Variants in RNF180 observed in about 807,000 individuals in gnomAD.
RNF180 encodes ring finger protein 180.
RNF180 carries 38 observed loss-of-function variants against 59.2 expected under a neutral mutation model. The ratio of observed to expected loss-of-function variants is 0.64; its 90% CI spans 0.50 to 0.84. The LOEUF (loss-of-function observed/expected upper bound fraction) is 0.84, where lower values mean the gene tolerates loss of function less well. RNF180 is among the 40% of genes least tolerant of loss of function. The pLI is 0.00. For synonymous variants in RNF180, 262 were observed against 240.3 expected, an observed-to-expected ratio of 1.09 and a Z score of -0.84; for missense variants, 705 against 700.9, an observed-to-expected ratio of 1.01 and a Z score of -0.07.
intron 7 of RNF180, among the ~76,000 whole-genome samples, chr5:64,343,403 G>A (rs532497250): frequency 6.6e-6 from 1 of 152,136 alleles, no homozygotes; most frequent in East Asian, 1.9e-4. Flanking sequence ...TGTGTAATTG[G>A]AGACCCTGAA....
At chr5:64,291,971 A>G (rs191369756) in intron 5 of RNF180, among the ~76,000 whole-genome samples, 167 of 151,924 alleles carry the variant, frequency 1.1e-3, no homozygotes, top group Middle Eastern at 0.01. Context: ...ATGTTTTTTT[A>G]GCTCCATCAG....
chr5:64,270,941 TATAATC>T (rs1741363742), intron 5 of RNF180, among the ~76,000 whole-genome samples: 1 of 152,116 alleles, frequency 6.6e-6, no homozygotes, highest in African/African-American at 2.4e-5. Flanking sequence ...AATATCAGCT[TATAATC>T]ATATAAATAC....
chr5:64,346,232 C>A (rs988158751), intron 7 of RNF180, among the ~76,000 whole-genome samples: 1 of 150,618 alleles, frequency 6.6e-6, no homozygotes, highest in Non-Finnish European at 1.5e-5. Context: ...GTCCTCAACT[C>A]ACATTGGCAG....
intron 5 of RNF180, among the ~76,000 whole-genome samples, chr5:64,238,186 G>T (rs1019953774): frequency 6.6e-6 from 1 of 151,974 alleles, no homozygotes; most frequent in Non-Finnish European, 1.5e-5. Flanking sequence ...CTTTTTTTAA[G>T]GCTGTATAGT....
intron 2 of RNF180, among the ~76,000 whole-genome samples, chr5:64,206,239 A>G (rs545502033): frequency 3.3e-5 from 5 of 152,326 alleles, no homozygotes; most frequent in African/African-American, 7.2e-5. Flanking sequence ...GGCAGTTACC[A>G]AATTCTACTG....
At chr5:64,279,661 A>G (rs1741904885) in intron 5 of RNF180, among the ~76,000 whole-genome samples, 1 of 152,242 alleles carries the variant, frequency 6.6e-6, no homozygotes, top group East Asian at 1.9e-4. Flanking sequence ...ATATCAGTTA[A>G]TTTTTCACAA....
At chr5:64,323,398 G>A (rs191648221) in intron 5 of RNF180, among the ~76,000 whole-genome samples, 39 of 152,066 alleles carry the variant, frequency 2.6e-4, no homozygotes, top group Non-Finnish European at 3.4e-4. Flanking sequence ...AAGAATAGTC[G>A]GGCACCATGC....
chr5:64,192,335 G>A (rs1047431469), intron 1 of RNF180, among the ~76,000 whole-genome samples: 35 of 152,154 alleles, frequency 2.3e-4, no homozygotes, highest in African/African-American at 8.2e-4. Context: ...GAGAAATTTT[G>A]TACACATTTG....
chr5:64,325,189 T>G lies in RNF180; in HGVS notation c.1231T>G (p.Leu411Val). 1 of 1,545,422 alleles carries G rather than the reference T, an allele frequency of 6.5e-7. No homozygotes were observed. The highest frequency in any genetic ancestry group is 8.8e-7 in the Non-Finnish European group (1 of 1,141,410). The change falls in exon 6 of 8, where the codon TTG (leucine) becomes GTG (valine). Residue 411 changes from leucine to valine, a missense_variant. By Grantham distance (32) the Leu-to-Val change is conservative. Transcript: ENST00000389100. The stretch of plus-strand genomic sequence containing the variant: ...AAAGTTTTCTTATGTTTTGCAGACT[T>G]TGAATAATGAGATGAGTACAGATGA... ...SGVGLLDHMT[L>V]NNEMSTDEDN...
At chr5:64,187,995 G>C (rs1332836934) in intron 1 of RNF180, among the ~76,000 whole-genome samples, 2 of 152,148 alleles carry the variant, frequency 1.3e-5, no homozygotes, top group African/African-American at 4.8e-5. Context: ...GCTGTGGCCT[G>C]CTTGGATTTG....
intron 7 of RNF180, among the ~76,000 whole-genome samples, chr5:64,340,872 A>T (rs1439974181): frequency 6.6e-6 from 1 of 151,944 alleles, no homozygotes; most frequent in South Asian, 2.1e-4. Context: ...CCACTTCATA[A>T]CTTATTTTAA....
intron 7 of RNF180, among the ~76,000 whole-genome samples, chr5:64,330,906 G>A (rs540261159): frequency 2.6e-5 from 4 of 152,314 alleles, no homozygotes; most frequent in South Asian, 2.1e-4. Flanking sequence ...CCATGGCTTC[G>A]GACCGAGACA....
chr5:64,234,807 G>A (rs971446991), intron 5 of RNF180, among the ~76,000 whole-genome samples: 5 of 151,632 alleles, frequency 3.3e-5, no homozygotes, highest in African/African-American at 1.2e-4. Context: ...CACCGTGTTA[G>A]CCAGGATGGT....
chr5:64,345,821 G>A (rs1022935850), intron 7 of RNF180, among the ~76,000 whole-genome samples: 2 of 152,100 alleles, frequency 1.3e-5, no homozygotes, highest in African/African-American at 4.8e-5. Flanking sequence ...CTGAATACAT[G>A]TAAATCTTAC....
chr5:64,184,847 CAGAAAATTTAGGTAA>C (rs1190416535), intron 1 of RNF180, among the ~76,000 whole-genome samples: 1 of 152,142 alleles, frequency 6.6e-6, no homozygotes, highest in Non-Finnish European at 1.5e-5. Flanking sequence ...AATATATCCC[CAGAAAATTTAGGTAA>C]ACCCAGGGCT....
chr5:64,258,228 G>A (rs1244828434), intron 5 of RNF180, among the ~76,000 whole-genome samples: 5 of 152,156 alleles, frequency 3.3e-5, no homozygotes, highest in African/African-American at 1.2e-4. Flanking sequence ...ATCAAGGTAG[G>A]AAGTATGTAG....
intron 1 of RNF180, among the ~76,000 whole-genome samples, chr5:64,192,940 A>T (rs868075947): frequency 1.5e-3 from 107 of 69,938 alleles, no homozygotes; most frequent in African/African-American, 5.3e-3. Context: ...TATATATATA[A>T]AATGAAACAT....
Position 64,213,701 on chromosome 5 carries a change from A to T in RNF180, c.375A>T (p.Thr125=), listed in dbSNP as rs1007209006. The part of the protein sequence containing the change: ...LSKSRTDYQP[T]QAGRLMRPSV... ...AGAGCCGGACTGATTATCAGCCAAC[A>T]CAGGCAGGCAGACTAATGAGACCAT... Residue 125 remains threonine, a synonymous_variant, in exon 4 of 8, where the codon ACA becomes ACT. Transcript: ENST00000389100. 3 of 1,614,068 alleles carry T rather than the reference A, an allele frequency of 1.9e-6. No homozygotes were observed. Among genetic ancestry groups the T allele is most frequent in the Non-Finnish European group, 1.7e-6 (2 of 1,180,024 alleles).
chr5:64,271,960 T>G (rs1351473390), intron 5 of RNF180, among the ~76,000 whole-genome samples: 1 of 152,018 alleles, frequency 6.6e-6, no homozygotes, highest in Non-Finnish European at 1.5e-5. Flanking sequence ...AAAATCAGAA[T>G]GCAGTAAATT....
Sources: allele counts gnomAD v4.1 joint callset (sites outside exome capture counted in the v4.1 genomes callset), GRCh38; gene constraint gnomAD v4.1.1; transcripts MANE v1.5; gene names NCBI Gene and HGNC (gene_info 2026-07-23, HGNC 2026-07-21).